SATB2: variants seen among roughly 807,000 people sequenced by gnomAD.
SATB2 encodes SATB homeobox 2.
SATB2 carries 1 observed loss-of-function variant against 73.4 expected under a neutral mutation model. That is an observed-to-expected ratio of 0.01 (90% confidence interval 0.00 to 0.06). The LOEUF is 0.06. SATB2 is among the 10% of genes least tolerant of loss of function. The probability of loss-of-function intolerance (pLI) is 1.00; values close to 1 mark genes in which losing one functional copy is unlikely to be tolerated. For synonymous variants in SATB2, 397 were observed against 367.0 expected (o/e 1.08, Z -0.93); for missense variants, 459 against 945.8 (o/e 0.49, Z 6.75).
rs572934398 is a variant in SATB2 at position 199,373,998 on chromosome 2, T to C, written c.598-5291A>G. On this transcript the variant is annotated intron_variant, in intron 5 of 10. Transcript: ENST00000417098. ...ATGAGCACATGCTCAATTTGTTTTTTTCTGCTGACCCAATTGGCTGCTTGA... is the reference window on the plus strand; with the variant it reads ...ATGAGCACATGCTCAATTTGTTTTTCTCTGCTGACCCAATTGGCTGCTTGA... Among the ~76,000 whole-genome samples, 16 of 152,328 alleles carry C rather than the reference T, an allele frequency of 1.1e-4. No individual in the cohort carries two copies. The South Asian group carries it at 3.3e-3, about 32-fold the overall frequency.
intron 3 of SATB2, among the ~76,000 whole-genome samples, chr2:199,403,771 G>T (rs529232505): frequency 6.6e-6 from 1 of 152,268 alleles, no homozygotes; most frequent in East Asian, 1.9e-4. Context: ...TATTAAGCAA[G>T]AAAGCCTTGA....
chr2:199,293,191 T>C (rs986433126), intron 10 of SATB2, among the ~76,000 whole-genome samples: 2 of 152,212 alleles, frequency 1.3e-5, no homozygotes, highest in African/African-American at 2.4e-5. Context: ...ATTCACTTTA[T>C]TGGACAGTAG....
At position 199,378,296 on chromosome 2, in the gene SATB2, T is replaced by A. The variant is rs558331266; in HGVS notation, c.597+2068A>T. Among the ~76,000 whole-genome samples the A allele has an allele frequency of 9.2e-5, 14 of 152,292 alleles. No individual in the cohort carries two copies. In the South Asian group the frequency reaches 1.2e-3, roughly 14 times the overall value. On this transcript the variant is annotated intron_variant, in intron 5 of 10. Transcript: ENST00000417098. ...TGAATTGGTAATATCAAGTTAGAGG[T>A]TTGTACACTTCCACACAAAGCCCAT...
chr2:199,376,723 A>G (rs1027850702), intron 5 of SATB2, among the ~76,000 whole-genome samples: 1 of 152,210 alleles, frequency 6.6e-6, no homozygotes, highest in African/African-American at 2.4e-5. Context: ...GACAGGTAAC[A>G]ATGACAACAG....
chr2:199,400,514 G>A (rs1690439648), intron 3 of SATB2, among the ~76,000 whole-genome samples: 1 of 152,086 alleles, frequency 6.6e-6, no homozygotes, highest in Non-Finnish European at 1.5e-5. Flanking sequence ...TTCCTTTAAA[G>A]TAAGATCCCC....
intron 6 of SATB2, among the ~76,000 whole-genome samples, chr2:199,352,303 T>C (rs1229826191): frequency 1.3e-5 from 2 of 152,238 alleles, no homozygotes; most frequent in East Asian, 3.8e-4. Flanking sequence ...TGAGTGACTT[T>C]ATTTTCTTGA....
chr2:199,291,778 T>G (rs1032172526), intron 10 of SATB2, among the ~76,000 whole-genome samples: 1 of 151,810 alleles, frequency 6.6e-6, no homozygotes, highest in African/African-American at 2.4e-5. Context: ...CCAGGCATGG[T>G]GGCACACACC....
chr2:199,323,010 G>A (rs990369314), intron 9 of SATB2, among the ~76,000 whole-genome samples: 35 of 152,062 alleles, frequency 2.3e-4, no homozygotes, highest in African/African-American at 7.5e-4. Flanking sequence ...TTAGGTGTTC[G>A]CCCTAGGTAT....
intron 2 of SATB2, among the ~76,000 whole-genome samples, chr2:199,453,596 T>C (rs1166280213): frequency 1.3e-5 from 2 of 152,040 alleles, no homozygotes; most frequent in East Asian, 3.8e-4. Flanking sequence ...ATTTAGAATG[T>C]GCATTTTTCA....
At chr2:199,350,399 G>A (rs1406892411) in intron 6 of SATB2, among the ~76,000 whole-genome samples, 4 of 152,006 alleles carry the variant, frequency 2.6e-5, no homozygotes, top group South Asian at 4.2e-4. Context: ...GATGTGTGCT[G>A]GACAACTGGG....
At chr2:199,435,734 T>TACAAGTAAGA (rs1691634898) in intron 2 of SATB2, among the ~76,000 whole-genome samples, 1 of 152,138 alleles carries the variant, frequency 6.6e-6, no homozygotes, top group Admixed American at 6.5e-5. Flanking sequence ...GCTCCAGGGA[T>TACAAGTAAGA]ACAAGTAAGA....
At chr2:199,339,722 C>G (rs990326689) in intron 7 of SATB2, among the ~76,000 whole-genome samples, 1 of 152,132 alleles carries the variant, frequency 6.6e-6, no homozygotes, top group Non-Finnish European at 1.5e-5. Context: ...TGACAGAATT[C>G]TGAATACCTT....
At chr2:199,317,537 A>G (rs1343952901) in intron 9 of SATB2, among the ~76,000 whole-genome samples, 2 of 152,130 alleles carry the variant, frequency 1.3e-5, no homozygotes, top group Non-Finnish European at 2.9e-5. Flanking sequence ...AAAACTAGTG[A>G]TAAGTTAAAA....
chr2:199,280,286 T>C (rs1280888388), intron 10 of SATB2, among the ~76,000 whole-genome samples: 1 of 152,176 alleles, frequency 6.6e-6, no homozygotes, highest in African/African-American at 2.4e-5. Flanking sequence ...TCCCATCATC[T>C]TCGTAAGCTG....
intron 5 of SATB2, among the ~76,000 whole-genome samples, chr2:199,372,079 T>G (rs929607398): frequency 2.0e-5 from 3 of 152,114 alleles, no homozygotes; most frequent in African/African-American, 7.2e-5. Context: ...TGAATAATAT[T>G]ATATTCTAAG....
chr2:199,447,454 C>A (rs1458769328), intron 2 of SATB2, among the ~76,000 whole-genome samples: 1 of 152,168 alleles, frequency 6.6e-6, no homozygotes, highest in Non-Finnish European at 1.5e-5. Flanking sequence ...CCCCTTCAGC[C>A]TAGTTTGGAC....
At chr2:199,441,004 G>A (rs1312950722) in intron 2 of SATB2, among the ~76,000 whole-genome samples, 1 of 151,806 alleles carries the variant, frequency 6.6e-6, no homozygotes, top group Non-Finnish European at 1.5e-5. Flanking sequence ...ATGTGCCACC[G>A]TGCCCGGCTA....
intron 2 of SATB2, among the ~76,000 whole-genome samples, chr2:199,435,137 T>C (rs1305726890): frequency 6.6e-6 from 1 of 152,124 alleles, no homozygotes; most frequent in Non-Finnish European, 1.5e-5. Context: ...GCAAATACAC[T>C]CTCCATGGTG....
chr2:199,389,872 TACACTA>T (rs1465772995), intron 3 of SATB2, among the ~76,000 whole-genome samples: 1 of 152,132 alleles, frequency 6.6e-6, no homozygotes, highest in East Asian at 1.9e-4. Flanking sequence ...ACTACCCCCT[TACACTA>T]CAGAAACATT....
Sources: gnomAD v4.1 joint callset for allele counts (sites outside exome capture counted in the v4.1 genomes callset) on GRCh38, gnomAD v4.1.1 for gene constraint, MANE v1.5 for transcripts, NCBI Gene and HGNC (gene_info 2026-07-23, HGNC 2026-07-21) for gene names.